Variants in RBFOX1 observed in about 807,000 individuals in gnomAD.
The protein encoded by RBFOX1 is RNA binding fox-1 homolog 1, also known as RNA binding protein fox-1 homolog 1.
RBFOX1 carries 8 observed loss-of-function variants against 57.7 expected under a neutral mutation model. The ratio of observed to expected loss-of-function variants is 0.14; its 90% CI spans 0.08 to 0.25. The LOEUF (loss-of-function observed/expected upper bound fraction) is 0.25, where lower values mean the gene tolerates loss of function less well. Among genes scored for constraint, RBFOX1 ranks in the 10% least tolerant of loss-of-function variants. RBFOX1 has a pLI of 1.00. For synonymous variants in RBFOX1, 326 were observed against 222.4 expected (o/e 1.47, Z -4.15); for missense variants, 611 against 548.5 (o/e 1.11, Z -1.14).
intron 3 of RBFOX1, among the ~76,000 whole-genome samples, chr16:6,859,544 T>C (rs894060615): frequency 6.6e-6 from 1 of 152,050 alleles, no homozygotes; most frequent in Non-Finnish European, 1.5e-5. Context: ...GTGGTTTTTA[T>C]GCTGCCTGTG....
At chr16:6,444,295 A>G (rs1030884822) in intron 2 of RBFOX1, among the ~76,000 whole-genome samples, 1 of 152,100 alleles carries the variant, frequency 6.6e-6, no homozygotes, top group African/African-American at 2.4e-5. Flanking sequence ...TGGACGCCCA[A>G]GGGCTCCAAA....
At chr16:5,468,702 A>G (rs991047665) in intron 2 of RBFOX1, among the ~76,000 whole-genome samples, 1 of 152,244 alleles carries the variant, frequency 6.6e-6, no homozygotes, top group Non-Finnish European at 1.5e-5. Context: ...TTATACAGCC[A>G]TAAAAAGGAA....
intron 1 of RBFOX1, among the ~76,000 whole-genome samples, chr16:6,124,401 T>C (rs1461544136): frequency 2.6e-5 from 4 of 152,146 alleles, no homozygotes; most frequent in Admixed American, 1.3e-4. Flanking sequence ...ATTTGATTAT[T>C]GTAATGTAAA....
At chr16:7,673,102 T>C (rs1158066740) in intron 13 of RBFOX1, among the ~76,000 whole-genome samples, 1 of 152,072 alleles carries the variant, frequency 6.6e-6, no homozygotes, top group African/African-American at 2.4e-5. Context: ...GAAGGAAGCA[T>C]GCGTAACACG....
chr16:7,260,771 C>A (rs2094888260), intron 4 of RBFOX1, among the ~76,000 whole-genome samples: 1 of 152,098 alleles, frequency 6.6e-6, no homozygotes, highest in Non-Finnish European at 1.5e-5. Context: ...GGGACTGATT[C>A]CCTAGGCTGC....
chr16:6,475,898 T>C (rs781567091), intron 2 of RBFOX1, among the ~76,000 whole-genome samples: 9 of 152,216 alleles, frequency 5.9e-5, no homozygotes, highest in Non-Finnish European at 1.0e-4. Flanking sequence ...AGGATAAGAT[T>C]GATTTTTATA....
At chr16:6,708,504 G>A (rs1213555389) in intron 3 of RBFOX1, among the ~76,000 whole-genome samples, 3 of 152,048 alleles carry the variant, frequency 2.0e-5, no homozygotes, top group Non-Finnish European at 2.9e-5. Flanking sequence ...TTTTCATCAC[G>A]TTCCTCTTGC....
intron 3 of RBFOX1, among the ~76,000 whole-genome samples, chr16:6,711,220 C>G (rs1450420634): frequency 6.6e-6 from 1 of 152,198 alleles, no homozygotes; most frequent in East Asian, 1.9e-4. Context: ...CTTTTCTTGC[C>G]TGGATTATCG....
chr16:5,931,648 T>A lies in RBFOX1; in HGVS notation c.351+64313T>A, dbSNP rs181099005. The stretch of plus-strand genomic sequence containing the variant: ...GTGAGAGCTTCCAGGATCAAACAGG[T>A]CAGGCTGAAGGAGACTCAAGTTTTG... On this transcript the variant is annotated intron_variant, in intron 4 of 19. Coordinates refer to the RBFOX1 transcript ENST00000641259. 2.0e-3 allele frequency among the ~76,000 whole-genome samples: 304 copies of A among 152,176 alleles called. 1 individual carries two copies. The highest frequency in any genetic ancestry group is 3.3e-3 in the Non-Finnish European group (224 of 67,992).
At chr16:5,458,350 G>A (rs564677565) in intron 1 of RBFOX1, among the ~76,000 whole-genome samples, 1 of 152,232 alleles carries the variant, frequency 6.6e-6, no homozygotes, top group East Asian at 1.9e-4. Flanking sequence ...GGAGGAAGGG[G>A]GTTGAGGGTC....
At chr16:6,904,328 G>C (rs12051404) in intron 3 of RBFOX1, among the ~76,000 whole-genome samples, 43,515 of 151,728 alleles carry the variant, frequency 0.29, 7,079 homozygotes, top group African/African-American at 0.46. Flanking sequence ...AGGCCAGGTG[G>C]GCTGGCTCAT....
chr16:6,472,755 T>G (rs1346326371), intron 2 of RBFOX1, among the ~76,000 whole-genome samples: 2 of 152,082 alleles, frequency 1.3e-5, no homozygotes, highest in East Asian at 3.9e-4. Context: ...CCTGAGTAGT[T>G]GGGATTACAG....
chr16:6,364,697 A>T (rs894399171), intron 2 of RBFOX1, among the ~76,000 whole-genome samples: 3 of 152,234 alleles, frequency 2.0e-5, no homozygotes, highest in Non-Finnish European at 4.4e-5. Context: ...AAAGGGAAAC[A>T]TCTTTCTGTG....
At chr16:7,219,402 A>G (rs35903604) in intron 4 of RBFOX1, among the ~76,000 whole-genome samples, 3 of 152,204 alleles carry the variant, frequency 2.0e-5, no homozygotes, top group Admixed American at 6.5e-5. Context: ...CACCGTTAAG[A>G]GTAATTGATG....
chr16:6,987,079 G>C (rs908552671), intron 3 of RBFOX1, among the ~76,000 whole-genome samples: 1 of 152,094 alleles, frequency 6.6e-6, no homozygotes, highest in Non-Finnish European at 1.5e-5. Flanking sequence ...CATCATCCAA[G>C]CGATCTATTA....
At chr16:5,733,920 C>T (rs1567464950) in intron 3 of RBFOX1, among the ~76,000 whole-genome samples, 1 of 152,038 alleles carries the variant, frequency 6.6e-6, no homozygotes, top group Non-Finnish European at 1.5e-5. Flanking sequence ...CCCTACCCCA[C>T]CCTTCATTTT....
intron 1 of RBFOX1, among the ~76,000 whole-genome samples, chr16:6,064,808 G>A (rs1209182269): frequency 6.6e-6 from 1 of 151,978 alleles, no homozygotes; most frequent in Non-Finnish European, 1.5e-5. Flanking sequence ...TGAATAATAT[G>A]CCCCTGGATC....
At chr16:6,386,656 T>C (rs1188684272) in intron 2 of RBFOX1, among the ~76,000 whole-genome samples, 1 of 152,232 alleles carries the variant, frequency 6.6e-6, no homozygotes, top group Non-Finnish European at 1.5e-5. Context: ...AGAAGTTCTT[T>C]TAGTATCTCC....
At chr16:7,208,152 G>C (rs1019187632) in intron 4 of RBFOX1, among the ~76,000 whole-genome samples, 8 of 152,140 alleles carry the variant, frequency 5.3e-5, no homozygotes, top group Admixed American at 6.5e-5. Context: ...TTTGGTTTTT[G>C]GAGGCAGGTA....
Sources: allele counts gnomAD v4.1 joint callset (sites outside exome capture counted in the v4.1 genomes callset), GRCh38; gene constraint gnomAD v4.1.1; transcripts MANE v1.5; gene names NCBI Gene and HGNC (gene_info 2026-07-23, HGNC 2026-07-21).